The following TSHZ2 variants were observed in gnomAD, a reference collection of about 807,000 sequenced individuals.
TSHZ2 encodes the protein teashirt homolog 2.
TSHZ2 carries 21 observed loss-of-function variants against 74.4 expected under a neutral mutation model. The ratio of observed to expected loss-of-function variants is 0.28; its 90% confidence interval spans 0.20 to 0.41. The LOEUF (loss-of-function observed/expected upper bound fraction) is 0.41. TSHZ2 is among the 10% of genes least tolerant of loss of function. The pLI is 1.00. For synonymous variants in TSHZ2, 540 were observed against 515.3 expected (o/e 1.05, Z -0.65); for missense variants, 1,244 against 1,293.5 (o/e 0.96, Z 0.59).
intron 1 of TSHZ2, among the ~76,000 whole-genome samples, chr20:53,026,366 T>G (rs796773544): frequency 6.6e-6 from 1 of 151,600 alleles, no homozygotes; most frequent in Non-Finnish European, 1.5e-5. Context: ...TTTTTTTTTT[T>G]CTCTGAGACA....
At chr20:53,182,873 A>T (rs949381302) in intron 1 of TSHZ2, among the ~76,000 whole-genome samples, 5 of 152,176 alleles carry the variant, frequency 3.3e-5, no homozygotes, top group African/African-American at 9.7e-5. Context: ...GACACAAACC[A>T]TTATTTACTG....
At chr20:53,441,513 C>T (rs915027568) in intron 2 of TSHZ2, among the ~76,000 whole-genome samples, 2 of 151,964 alleles carry the variant, frequency 1.3e-5, no homozygotes, top group African/African-American at 4.8e-5. Context: ...GTCTCAATCT[C>T]CTGACCTCAT....
chr20:53,465,966 TAA>T (rs557411643), intron 2 of TSHZ2, among the ~76,000 whole-genome samples: 180 of 132,160 alleles, frequency 1.4e-3, no homozygotes, highest in African/African-American at 3.0e-3. Context: ...TCACAGTGGT[TAA>T]AAAAAAAAAA....
At chr20:53,432,118 CCCTT>C (rs1983866534) in intron 2 of TSHZ2, among the ~76,000 whole-genome samples, 1 of 152,128 alleles carries the variant, frequency 6.6e-6, no homozygotes, top group Admixed American at 6.5e-5. Flanking sequence ...TTTCCTCACT[CCCTT>C]CCAACCCTCC....
intron 1 of TSHZ2, among the ~76,000 whole-genome samples, chr20:53,001,226 G>GTGTGTGTGTATGTGTGTGTGTGTGTA (rs1555813609): frequency 6.8e-6 from 1 of 146,720 alleles, no homozygotes; most frequent in Non-Finnish European, 1.5e-5. Context: ...GTGTGTGTGT[G>GTGTGTGTGTATGTGTGTGTGTGTGTA]TGTGTGTGTG....
intron 2 of TSHZ2, among the ~76,000 whole-genome samples, chr20:53,408,154 G>A (rs1000260976): frequency 6.6e-5 from 10 of 152,164 alleles, no homozygotes; most frequent in Admixed American, 3.9e-4. Context: ...CCCTGAATCC[G>A]CCAGGTGGCC....
At chr20:53,203,218 G>A (rs1194362826) in intron 1 of TSHZ2, among the ~76,000 whole-genome samples, 1 of 145,118 alleles carries the variant, frequency 6.9e-6, no homozygotes, top group South Asian at 2.2e-4. Flanking sequence ...TTTTTGAGAC[G>A]GAGTCTCACT....
chr20:53,429,461 A>C (rs906206582), intron 2 of TSHZ2, among the ~76,000 whole-genome samples: 32 of 152,302 alleles, frequency 2.1e-4, no homozygotes, highest in African/African-American at 7.7e-4. Context: ...GATAGTGAAT[A>C]AGTCTCACGA....
At chr20:53,073,200 C>G (rs531668849) in intron 1 of TSHZ2, among the ~76,000 whole-genome samples, 6 of 147,990 alleles carry the variant, frequency 4.1e-5, no homozygotes, top group African/African-American at 1.5e-4. Flanking sequence ...ATCCCTCCCT[C>G]CATCCATTTA....
At chr20:53,121,271 C>G (rs777532921) in intron 1 of TSHZ2, among the ~76,000 whole-genome samples, 7 of 152,042 alleles carry the variant, frequency 4.6e-5, no homozygotes, top group Non-Finnish European at 8.8e-5. Context: ...CTTTAGAACT[C>G]ATACATGTCT....
At chr20:53,412,124 A>G (rs1225678642) in intron 2 of TSHZ2, among the ~76,000 whole-genome samples, 1 of 152,224 alleles carries the variant, frequency 6.6e-6, no homozygotes, top group African/African-American at 2.4e-5. Flanking sequence ...CCATGGTCCC[A>G]TTAAGACTCA....
chr20:53,085,450 G>A (rs1985670429), intron 1 of TSHZ2, among the ~76,000 whole-genome samples: 1 of 152,174 alleles, frequency 6.6e-6, no homozygotes, highest in Non-Finnish European at 1.5e-5. Flanking sequence ...TGGAGAATCT[G>A]AAATATGACC....
At chr20:53,003,079 G>T (rs1422278548) in intron 1 of TSHZ2, among the ~76,000 whole-genome samples, 4 of 152,110 alleles carry the variant, frequency 2.6e-5, no homozygotes, top group African/African-American at 7.2e-5. Context: ...ATCTAATAAA[G>T]CTGCCTCGAG....
chr20:53,094,949 A>G (rs1985995232), intron 1 of TSHZ2, among the ~76,000 whole-genome samples: 1 of 152,110 alleles, frequency 6.6e-6, no homozygotes, highest in Admixed American at 6.5e-5. Context: ...ATGCCTTCTT[A>G]TTTTTGTTTT....
intron 2 of TSHZ2, among the ~76,000 whole-genome samples, chr20:53,408,448 T>G (rs1358239002): frequency 6.6e-6 from 1 of 152,198 alleles, no homozygotes; most frequent in Non-Finnish European, 1.5e-5. Context: ...AATGAATAAT[T>G]AGCCATTTCT....
intron 2 of TSHZ2, among the ~76,000 whole-genome samples, chr20:53,432,994 T>A (rs1983900393): frequency 6.6e-6 from 1 of 152,202 alleles, no homozygotes; most frequent in Non-Finnish European, 1.5e-5. Context: ...GCCTTACAAC[T>A]GCAAGATGGC....
At chr20:53,153,126 G>A (rs1004589907) in intron 1 of TSHZ2, among the ~76,000 whole-genome samples, 14 of 152,162 alleles carry the variant, frequency 9.2e-5, no homozygotes, top group African/African-American at 2.4e-4. Flanking sequence ...CTATGCAGCC[G>A]CATGGAACCA....
intron 1 of TSHZ2, among the ~76,000 whole-genome samples, chr20:53,111,810 C>T (rs187394787): frequency 6.6e-6 from 1 of 152,300 alleles, no homozygotes; most frequent in African/African-American, 2.4e-5. Context: ...CCCTCAGGCC[C>T]CCACCTTAAC....
At chr20:53,103,086 T>C (rs1204505509) in intron 1 of TSHZ2, among the ~76,000 whole-genome samples, 1 of 152,176 alleles carries the variant, frequency 6.6e-6, no homozygotes, top group African/African-American at 2.4e-5. Flanking sequence ...CAATATCAAA[T>C]GTGTTTTTTA....
Sources: gnomAD v4.1 joint callset for allele counts (sites outside exome capture counted in the v4.1 genomes callset) on GRCh38, gnomAD v4.1.1 for gene constraint, MANE v1.5 for transcripts, NCBI Gene and HGNC (gene_info 2026-07-23, HGNC 2026-07-21) for gene names.